ZNF865: variants seen among roughly 807,000 people sequenced by gnomAD.
The protein encoded by ZNF865 is zinc finger protein 865.
For synonymous variants in ZNF865, 763 were observed against 750.8 expected (o/e 1.02, Z -0.27); for missense variants, 1,311 against 1,593.4 (o/e 0.82, Z 3.02).
chr19:55,616,107 C>T lies in ZNF865; in HGVS notation c.2489C>T (p.Ala830Val), dbSNP rs937024123. 4.0e-6 allele frequency: 6 copies of T among 1,488,014 alleles called. No homozygotes were observed. Among genetic ancestry groups the T allele is most frequent in the East Asian group, 5.0e-5 (2 of 39,630 alleles). 92.2% of individuals were successfully genotyped at this position (1,488,014 alleles called of 1,614,324 possible). A position where few individuals can be genotyped will look rare whatever the true frequency, so the allele number is the denominator to read the frequency against. Residue 830 changes from alanine to valine, a missense_variant, in exon 2 of 2, where the codon GCG becomes GTG. Ala to Val is a moderately conservative substitution (Grantham distance 64, BLOSUM62 0). Transcript: ENST00000568956. ...LGCGLCGQSF[A>V]GAYDLLLHRR... ...TGCGGCCTCTGCGGCCAGAGCTTCG[C>T]GGGCGCCTACGACTTGCTCCTACAC...
Position 55,614,748 on chromosome 19 carries a change from CCTT to C in ZNF865, c.1133_1135del (p.Phe378del). 1 of 1,585,334 alleles carries C rather than the reference CCTT, an allele frequency of 6.3e-7. No homozygotes were observed. Among genetic ancestry groups the C allele is most frequent in the Non-Finnish European group, 8.5e-7 (1 of 1,173,688 alleles). ...CAGATCATCCACACGGGCGAGAAGC[CCTT>C]CTCCTGCTCCGTGTGCAGCAAAAGC... On this transcript the variant is annotated inframe_deletion, in exon 2 of 2. Transcript: ENST00000568956. This position sits in a 1 kb window ranked among gnomAD's most constrained non-coding sequence, Gnocchi z 8.0.
At chr19:55,610,698 C>T (rs1351958467) in intron 1 of ZNF865, among the ~76,000 whole-genome samples, 4 of 152,162 alleles carry the variant, frequency 2.6e-5, no homozygotes, top group South Asian at 2.1e-4. Flanking sequence ...GTCACAGGGG[C>T]GAGCAAGACA....
chr19:55,609,994 C>T (rs978674244), intron 1 of ZNF865, among the ~76,000 whole-genome samples: 1 of 152,236 alleles, frequency 6.6e-6, no homozygotes, highest in Non-Finnish European at 1.5e-5. Context: ...ACCCTGCCCT[C>T]AGTGCCCTCC....
intron 1 of ZNF865, among the ~76,000 whole-genome samples, chr19:55,609,009 T>C (rs949842206): frequency 6.6e-6 from 1 of 152,132 alleles, no homozygotes; most frequent in African/African-American, 2.4e-5. Context: ...TAGTTAACAA[T>C]GTGACTTTAG....
In ZNF865 at chr19:55,615,863, C is replaced by T. The variant is rs774951108; in HGVS notation, c.2245C>T (p.Leu749=). ...CAGCGGCACGGATGCGGCCAGCGTG[C>T]TGGACAACGGGCTGGCGGGGGAGGT... The part of the protein sequence containing the change: ...GSSGTDAASV[L]DNGLAGEVGA... Residue 749 remains leucine, a synonymous_variant, in exon 2 of 2, where the codon CTG becomes TTG. Coordinates refer to ENST00000568956, the MANE Select transcript of ZNF865 (RefSeq NM_001195605.2). 3.4e-5 allele frequency: 51 copies of T among 1,488,332 alleles called. No individual in the cohort carries two copies. The highest frequency in any genetic ancestry group is 4.3e-5 in the Non-Finnish European group (49 of 1,127,136). 92.2% of individuals were successfully genotyped at this position (1,488,332 alleles called of 1,614,324 possible).
chr19:55,615,163 CGGCGCTGTGCCCGTCCCGCTCCTG>C lies in ZNF865; in HGVS notation c.1551_1574del (p.Val518_Ala525del). On this transcript the variant is annotated inframe_deletion, in exon 2 of 2. Coordinates refer to ENST00000568956, the MANE Select transcript of ZNF865 (RefSeq NM_001195605.2). ...CGGCGGCCGCGGCGGCGGTGGTGTA[CGGCGCTGTGCCCGTCCCGCTCCTG>C]GGCGCCCACCCGCTGCTGCTCGGCG... 7.5e-7 allele frequency: 1 copy of C among 1,331,946 alleles called. No individual in the cohort carries two copies. Among genetic ancestry groups the C allele is most frequent in the Non-Finnish European group, 9.5e-7 (1 of 1,048,020 alleles). The allele number at this position is 1,331,946 out of a possible 1,614,324, so 82.5% of individuals were successfully genotyped here. A position where few individuals can be genotyped will look rare whatever the true frequency, so the allele number is the denominator to read the frequency against.
chr19:55,613,486 TA>T (rs1981210634), intron 1 of ZNF865, 106 bp from the exon 2 acceptor site: 3 of 1,075,522 alleles, frequency 2.8e-6, no homozygotes, highest in Non-Finnish European at 3.8e-6. Flanking sequence ...TCTGGAAGGC[TA>T]GGGGGTGATC....
rs1314524458 is a variant in ZNF865 at position 55,614,446 on chromosome 19, C to T, written c.828C>T (p.Asp276=). 2.1e-6 allele frequency: 3 copies of T among 1,436,772 alleles called. No homozygotes were observed. The highest frequency in any genetic ancestry group is 1.8e-6 in the Non-Finnish European group (2 of 1,095,516). The allele number at this position is 1,436,772 out of a possible 1,614,324, so 89.0% of individuals were successfully genotyped here. The change falls in exon 2 of 2, where the codon GAC becomes GAT. Residue 276 remains aspartate, a synonymous_variant. Coordinates refer to ENST00000568956, the MANE Select transcript of ZNF865 (RefSeq NM_001195605.2). This position sits in a 1 kb window ranked among gnomAD's most constrained non-coding sequence, Gnocchi z 8.0. ...TCCGCCACCGCCGCTGCCACAAGGA[C>T]GTGCCACCGGCCGCGGGGGGCCCGC... The part of the protein sequence containing the change: ...SLIRHRRCHK[D]VPPAAGGPPQ...
At chr19:55,612,297 A>T (rs1981166485) in intron 1 of ZNF865, among the ~76,000 whole-genome samples, 1 of 152,008 alleles carries the variant, frequency 6.6e-6, no homozygotes, top group Non-Finnish European at 1.5e-5. Context: ...CTGTGTTTTG[A>T]TTGTATCAGA....
At position 55,615,156 on chromosome 19, in the gene ZNF865, T is replaced by C. The variant is rs1981305037; in HGVS notation, c.1538T>C (p.Val513Ala). The change falls in exon 2 of 2, where the codon GTG (valine) becomes GCG (alanine). Residue 513 changes from valine to alanine, a missense_variant. Coordinates refer to ENST00000568956, the MANE Select transcript of ZNF865 (RefSeq NM_001195605.2). Reference sequence around the variant, plus strand: ...AAGGCGGCGGCGGCCGCGGCGGCGGTGGTGTACGGCGCTGTGCCCGTCCCG... The same window carrying C: ...AAGGCGGCGGCGGCCGCGGCGGCGGCGGTGTACGGCGCTGTGCCCGTCCCG... ...SEKAAAAAAA[V>A]VYGAVPVPLL... is the part of the protein sequence containing the mutation. The C allele has an allele frequency of 2.6e-6, 3 of 1,149,802 alleles. No individual in the cohort carries two copies. Among genetic ancestry groups the C allele is most frequent in the Non-Finnish European group, 2.1e-6 (2 of 939,634 alleles). The allele number at this position is 1,149,802 out of a possible 1,614,324, so 71.2% of individuals were successfully genotyped here.
In ZNF865 at chr19:55,616,751, G is replaced by C. The variant is rs1235596454; in HGVS notation, c.3133G>C (p.Gly1045Arg). 1.4e-6 allele frequency: 2 copies of C among 1,476,054 alleles called. No individual in the cohort carries two copies. Among genetic ancestry groups the C allele is most frequent in the Non-Finnish European group, 1.8e-6 (2 of 1,117,716 alleles). The allele number at this position is 1,476,054 out of a possible 1,614,324, so 91.4% of individuals were successfully genotyped here. A position where few individuals can be genotyped will look rare whatever the true frequency, so the allele number is the denominator to read the frequency against. Residue 1045 changes from glycine to arginine, a missense_variant, in exon 2 of 2, where the codon GGG becomes CGG. Gly to Arg is a moderately radical substitution (Grantham distance 125, BLOSUM62 -2). Transcript: ENST00000568956. The stretch of plus-strand genomic sequence containing the variant: ...CCTGGCGCACAAGGCCGAGAACCTC[G>C]GGGGGCCTGGAGCAGGGGCGGGCAC... ...HRLAHKAENL[G>R]GPGAGAGTLA... is the part of the protein sequence containing the mutation.
rs983767180 is a variant in ZNF865, at chr19:55,614,464, G to C, written c.846G>C (p.Gly282=). The C allele has an allele frequency of 7.1e-7, 1 of 1,413,430 alleles. No individual in the cohort carries two copies. The highest frequency in any genetic ancestry group is 1.5e-5 in the African/African-American group (1 of 66,836). 87.6% of individuals were successfully genotyped at this position (1,413,430 alleles called of 1,614,324 possible). A position where few individuals can be genotyped will look rare whatever the true frequency, so the allele number is the denominator to read the frequency against. The change falls in exon 2 of 2, where the codon GGG becomes GGC. Residue 282 remains glycine (G), a synonymous_variant. Coordinates refer to ENST00000568956, the MANE Select transcript of ZNF865 (RefSeq NM_001195605.2). This position sits in a 1 kb window ranked among gnomAD's most constrained non-coding sequence, Gnocchi z 8.0. ...RCHKDVPPAA[G]GPPQPGPHLP... ...ACAAGGACGTGCCACCGGCCGCGGG[G>C]GGCCCGCCCCAGCCCGGCCCCCACC...
chr19:55,606,849 C>A (rs1320378653), intron 1 of ZNF865, among the ~76,000 whole-genome samples: 1 of 152,196 alleles, frequency 6.6e-6, no homozygotes, highest in Non-Finnish European at 1.5e-5. Flanking sequence ...GACAAAGATA[C>A]ACGGGGTTTT....
rs1335137559 is a variant in ZNF865 at position 55,616,510 on chromosome 19, C to T, written c.2892C>T (p.His964=). ...HLGERAYRCE[H]CGKGFFYLSS... ...GCGAGCGCGCCTACCGCTGTGAGCACTGCGGCAAGGGCTTCTTCTACCTGA... is the reference window on the plus strand; with the variant it reads ...GCGAGCGCGCCTACCGCTGTGAGCATTGCGGCAAGGGCTTCTTCTACCTGA... The change falls in exon 2 of 2, where the codon CAC becomes CAT. Residue 964 remains histidine, a synonymous_variant. Transcript: ENST00000568956. 5 of 1,534,458 alleles carry T rather than the reference C, an allele frequency of 3.3e-6. No homozygotes were observed. The highest frequency in any genetic ancestry group is 3.3e-4 in the Middle Eastern group (2 of 6,004).
intron 1 of ZNF865, among the ~76,000 whole-genome samples, chr19:55,607,022 C>T (rs1980967785): frequency 6.6e-6 from 1 of 152,032 alleles, no homozygotes. Context: ...GCAGGGGAGG[C>T]CGGTGAGGGT....
chr19:55,616,791 ATG>A lies in ZNF865; in HGVS notation c.3174_3175del (p.Ala1059LeufsTer72). On this transcript the variant is annotated frameshift_variant, in exon 2 of 2. Transcript: ENST00000568956. LOFTEE classifies it high-confidence loss of function. ...GGGGCGGGCACCTTGGCCGGGAAGG[ATG>A]CCTGACCGAGGGGTTCCCATCCCAC... is the stretch of plus-strand genomic sequence containing the variant. 6.9e-7 allele frequency: 1 copy of A among 1,442,410 alleles called. No individual in the cohort carries two copies. The highest frequency in any genetic ancestry group is 9.1e-7 in the Non-Finnish European group (1 of 1,103,056). The allele number at this position is 1,442,410 out of a possible 1,614,324, so 89.4% of individuals were successfully genotyped here.
chr19:55,613,843 G>T lies in ZNF865; in HGVS notation c.225G>T (p.Pro75=), dbSNP rs965014915. 1 of 665,630 alleles carries T rather than the reference G, an allele frequency of 1.5e-6. No homozygotes were observed. The highest frequency in any genetic ancestry group is 4.5e-5 in the South Asian group (1 of 22,448). 41.2% of individuals were successfully genotyped at this position (665,630 alleles called of 1,614,324 possible). ...PPQPPPQPPP[P]QYDYPPQSTF... The stretch of plus-strand genomic sequence containing the variant: ...AGCCCCCGCCGCAGCCCCCTCCCCC[G>T]CAGTATGACTACCCGCCCCAGTCCA... The change falls in exon 2 of 2, where the codon CCG becomes CCT. Residue 75 remains proline (P), a synonymous_variant. Transcript: ENST00000568956.
intron 1 of ZNF865, among the ~76,000 whole-genome samples, chr19:55,607,154 C>T (rs1980972447): frequency 6.6e-6 from 1 of 152,178 alleles, no homozygotes; most frequent in African/African-American, 2.4e-5. Flanking sequence ...CCAGAATGTT[C>T]TTCATTCATT....
In ZNF865 at chr19:55,617,072, T is replaced by G; in HGVS notation, c.*274T>G. ...ATCAGCCCCCGCCCCAGCAGCACTC[T>G]GCCCCCAGTAAGTTTTGGCGGAGAT... is the stretch of plus-strand genomic sequence containing the variant. On this transcript the variant is annotated 3_prime_UTR_variant, in exon 2 of 2. Coordinates refer to ENST00000568956, the MANE Select transcript of ZNF865 (RefSeq NM_001195605.2). 2.7e-6 allele frequency: 1 copy of G among 366,550 alleles called. No individual in the cohort carries two copies. The highest frequency in any genetic ancestry group is 4.9e-6 in the Non-Finnish European group (1 of 205,396). The allele number at this position is 366,550 out of a possible 1,614,324, so 22.7% of individuals were successfully genotyped here. A position where few individuals can be genotyped will look rare whatever the true frequency, so the allele number is the denominator to read the frequency against.
Sources: gnomAD v4.1 joint callset for allele counts (sites outside exome capture counted in the v4.1 genomes callset) on GRCh38, gnomAD v4.1.1 for gene constraint, Gnocchi (gnomAD v3.1) non-coding constraint, MANE v1.5 for transcripts, NCBI Gene and HGNC (gene_info 2026-07-23, HGNC 2026-07-21) for gene names.